Variants in PIK3C2B observed in about 807,000 individuals in gnomAD.
The protein encoded by PIK3C2B is phosphatidylinositol 4-phosphate 3-kinase C2 domain-containing subunit beta.
A neutral mutation model predicts 184.3 loss-of-function variants in PIK3C2B; 83 were observed. That is an observed-to-expected ratio of 0.45 (90% CI 0.38 to 0.54). The LOEUF is 0.54. Among genes scored for constraint, PIK3C2B ranks in the 20% least tolerant of loss-of-function variants. PIK3C2B has a pLI of 0.00. For missense variants in PIK3C2B, 1,736 were observed against 2,113.5 expected (o/e 0.82, Z 3.50); for synonymous variants, 779 against 837.6 (o/e 0.93, Z 1.21).
chr1:204,437,466 G>C (rs532588971), intron 23 of PIK3C2B, among the ~76,000 whole-genome samples: 1 of 151,486 alleles, frequency 6.6e-6, no homozygotes, highest in African/African-American at 2.4e-5. Flanking sequence ...TTGCACTCCG[G>C]CCTGGGCAAC....
At chr1:204,435,920 A>G (rs924328446) in intron 23 of PIK3C2B, 3 of 152,208 alleles carry the variant, frequency 2.0e-5, no homozygotes, top group Non-Finnish European at 4.4e-5. Flanking sequence ...AATAAGGAGC[A>G]TAACGCGTAA....
chr1:204,425,573 T>G, intron 32 of PIK3C2B, 40 bp downstream of exon 32: 1 of 1,609,204 alleles, frequency 6.2e-7, no homozygotes, highest in Non-Finnish European at 8.5e-7. Context: ...CAGGCGCAGG[T>G]TGCCAACCCC....
Position 204,424,567 on chromosome 1 carries a change from C to A in PIK3C2B, c.*285G>T. ...AGCCCACCCCACACACTCCCCAAAC[C>A]AAGCATTGCTCCCTTGACACAAGGT... On this transcript the variant is annotated 3_prime_UTR_variant, in exon 33 of 33. Coordinates refer to ENST00000684373, the MANE Select transcript of PIK3C2B (RefSeq NM_001377334.1). 1.7e-6 allele frequency: 1 copy of A among 573,462 alleles called. No individual in the cohort carries two copies. 35.5% of individuals were successfully genotyped at this position (573,462 alleles called of 1,614,324 possible).
chr1:204,449,093 C>T, intron 14 of PIK3C2B, 92 bp downstream of exon 14: 2 of 870,668 alleles, frequency 2.3e-6, no homozygotes, highest in East Asian at 2.6e-5. Flanking sequence ...AGCACTCTCT[C>T]CTGCTGTCCC....
At position 204,434,422 on chromosome 1, in the gene PIK3C2B, T is replaced by C; in HGVS notation, c.3686+17A>G. 6.2e-7 allele frequency: 1 copy of C among 1,613,146 alleles called. No individual in the cohort carries two copies. The highest frequency in any genetic ancestry group is 8.5e-7 in the Non-Finnish European group (1 of 1,179,300). On this transcript the variant is annotated intron_variant, in intron 24 of 32. Transcript: ENST00000684373. ...CCTTGCCCTTCACTCACAATCTGGC[T>C]TCAGGAGATCACTTACCGCTTGATG...
chr1:204,431,750 G>A lies in PIK3C2B; in HGVS notation c.4199C>T (p.Thr1400Ile), dbSNP rs1675072744. The A allele has an allele frequency of 6.2e-7, 1 of 1,614,162 alleles. No individual in the cohort carries two copies. Among genetic ancestry groups the A allele is most frequent in the Non-Finnish European group, 8.5e-7 (1 of 1,180,018 alleles). ...CTCCTCAAAGGTCCGCTGGATGTAGGTGGCCTCGTGAGTGTTCTCTCGCAT... is the reference window on the plus strand; with the variant it reads ...CTCCTCAAAGGTCCGCTGGATGTAGATGGCCTCGTGAGTGTTCTCTCGCAT... The part of the protein sequence containing the change: ...KVMRENTHEA[T>I]YIQRTFEEFQ... The change falls in exon 28 of 33, where the codon ACC (threonine) becomes ATC (isoleucine). Residue 1400 changes from threonine to isoleucine, a missense_variant. Physicochemically the swap from Thr to Ile is moderately conservative, Grantham distance 89. Coordinates refer to ENST00000684373, the MANE Select transcript of PIK3C2B (RefSeq NM_001377334.1).
At chr1:204,439,157 C>T in intron 22 of PIK3C2B, 86 bp from the exon 23 acceptor site, 1 of 1,371,198 alleles carries the variant, frequency 7.3e-7, no homozygotes, top group Non-Finnish European at 1.0e-6. Context: ...GCTCATGCTT[C>T]CCTATAAATT....
intron 7 of PIK3C2B, 28 bp from the exon 8 acceptor site, chr1:204,459,969 C>A: frequency 1.2e-6 from 2 of 1,600,672 alleles, no homozygotes; most frequent in East Asian, 2.2e-5. Flanking sequence ...GGAAAAACCA[C>A]AGGAGAGGTC....
Position 204,424,409 on chromosome 1 carries a change from C to T in PIK3C2B, c.*443G>A, listed in dbSNP as rs1170608580. On this transcript the variant is annotated 3_prime_UTR_variant, in exon 33 of 33. Coordinates refer to ENST00000684373, the MANE Select transcript of PIK3C2B (RefSeq NM_001377334.1). ...CAAAAAGTCCAAATAGTCTTCCTCT[C>T]TTGCCTTCTGGGGCATAGGTACGTC... The T allele has an allele frequency of 1.1e-5, 3 of 280,412 alleles. No homozygotes were observed. The highest frequency in any genetic ancestry group is 1.7e-4 in the East Asian group (2 of 11,554). The allele number at this position is 280,412 out of a possible 1,614,324, so 17.4% of individuals were successfully genotyped here. A position where few individuals can be genotyped will look rare whatever the true frequency, so the allele number is the denominator to read the frequency against.
intron 22 of PIK3C2B, among the ~76,000 whole-genome samples, chr1:204,439,422 GC>G (rs746706142): frequency 2.6e-5 from 4 of 152,156 alleles, no homozygotes; most frequent in Non-Finnish European, 5.9e-5. Context: ...AATCTTGTTT[GC>G]TAATCACACA....
Position 204,465,306 on chromosome 1 carries a change from G to C in PIK3C2B, c.947C>G (p.Pro316Arg). ...RISAAPVGSR[P>R]HTVANGHELF... ...CTCATGGCCATTGGCAACAGTGTGG[G>C]GCCGGGAGCCCACCTTTAAGAGAAG... Residue 316 changes from proline (P) to arginine (R), a missense_variant, in exon 3 of 33, where the codon CCC becomes CGC. Pro to Arg is a moderately radical substitution (Grantham distance 103). Around this residue, in one of 8 missense-constraint regions of PIK3C2B, gnomAD observed 404 missense variants for 418.0 expected, o/e 0.97. Coordinates refer to ENST00000684373, the MANE Select transcript of PIK3C2B (RefSeq NM_001377334.1). 1 of 1,612,436 alleles carries C rather than the reference G, an allele frequency of 6.2e-7. No homozygotes were observed. The highest frequency in any genetic ancestry group is 8.5e-7 in the Non-Finnish European group (1 of 1,178,514).
chr1:204,450,126 C>T (rs1306038058), intron 12 of PIK3C2B, 109 bp from the exon 13 acceptor site: 1 of 941,078 alleles, frequency 1.1e-6, no homozygotes, highest in African/African-American at 1.7e-5. Context: ...GCCTCCCTCT[C>T]AGGGTTCAGA....
intron 23 of PIK3C2B, among the ~76,000 whole-genome samples, chr1:204,436,409 A>G (rs1215369956): frequency 6.6e-6 from 1 of 152,208 alleles, no homozygotes; most frequent in Non-Finnish European, 1.5e-5. Context: ...ACATGCCTGT[A>G]GTCCCAGCTA....
chr1:204,437,857 G>A (rs2103476717), intron 23 of PIK3C2B, among the ~76,000 whole-genome samples: 1 of 152,322 alleles, frequency 6.6e-6, no homozygotes, highest in East Asian at 1.9e-4. Context: ...TGAAACGTAG[G>A]TGGAAAAGTC....
At chr1:204,456,135 T>C in intron 10 of PIK3C2B, 84 bp from the exon 11 acceptor site, 1 of 1,175,154 alleles carries the variant, frequency 8.5e-7, no homozygotes, top group Non-Finnish European at 1.2e-6. Flanking sequence ...TAGAATGGGA[T>C]GGCCTAAGAC....
intron 1 of PIK3C2B, among the ~76,000 whole-genome samples, chr1:204,476,843 G>A (rs1656749760): frequency 6.6e-6 from 1 of 152,200 alleles, no homozygotes; most frequent in Admixed American, 6.5e-5. Flanking sequence ...ATACACCTTG[G>A]TGGTTCAGGC....
chr1:204,459,837 A>G, intron 8 of PIK3C2B, 41 bp downstream of exon 8: 1 of 1,540,356 alleles, frequency 6.5e-7, no homozygotes, highest in Non-Finnish European at 9.0e-7. Flanking sequence ...GGAGAGGAGG[A>G]GCTTTCGGGC....
chr1:204,454,944 T>C (rs936289876), intron 11 of PIK3C2B, among the ~76,000 whole-genome samples, 153 bp from the exon 12 acceptor site: 2 of 152,176 alleles, frequency 1.3e-5, no homozygotes, highest in African/African-American at 2.4e-5. Context: ...ACAGCCAAAC[T>C]GGATGTAAGG....
chr1:204,465,212 C>T lies in PIK3C2B; in HGVS notation c.1034+7G>A, dbSNP rs373574680. 969 of 920,984 alleles carry T rather than the reference C, an allele frequency of 1.1e-3. 6 individuals are homozygous for T. In the African/African-American group the frequency reaches 0.012, roughly 11 times the overall value. 57.1% of individuals were successfully genotyped at this position (920,984 alleles called of 1,614,324 possible). A position where few individuals can be genotyped will look rare whatever the true frequency, so the allele number is the denominator to read the frequency against. On this transcript the variant is annotated splice_region_variant and intron_variant, in intron 3 of 32. Coordinates refer to ENST00000684373, the MANE Select transcript of PIK3C2B (RefSeq NM_001377334.1). ...TCCCAAATCCCACCCCATTCTTTAA[C>T]TCTTACATATCCAGCATGTGGCAAA...
Sources: gnomAD v4.1 joint callset for allele counts (sites outside exome capture counted in the v4.1 genomes callset) on GRCh38, gnomAD v4.1.1 for gene constraint, gnomAD v4.1.1 regional missense constraint, MANE v1.5 for transcripts, NCBI Gene and HGNC (gene_info 2026-07-23, HGNC 2026-07-21) for gene names.